The following PKP3 variants were observed in gnomAD, a reference collection of about 807,000 sequenced individuals.
PKP3 encodes the protein plakophilin-3.
A neutral mutation model predicts 76.5 loss-of-function variants in PKP3; 66 were observed. The observed-to-expected ratio is 0.86, with a 90% CI of 0.71 to 1.06. The LOEUF is 1.06. PKP3 is among the 50% of genes least tolerant of loss of function. The pLI is 0.00. For synonymous variants in PKP3, 638 were observed against 516.5 expected, an observed-to-expected ratio of 1.24 and a Z score of -3.19; for missense variants, 1,338 against 1,141.0, an observed-to-expected ratio of 1.17 and a Z score of -2.49.
rs1234636015 is a variant in PKP3, at chr11:400,576, C to T, written c.1608C>T (p.Tyr536=). The T allele has an allele frequency of 4.7e-6, 7 of 1,484,584 alleles. No homozygotes were observed. Among genetic ancestry groups the T allele is most frequent in the Middle Eastern group, 2.3e-4 (1 of 4,380 alleles). 92.0% of individuals were successfully genotyped at this position (1,484,584 alleles called of 1,614,324 possible). A position where few individuals can be genotyped will look rare whatever the true frequency, so the allele number is the denominator to read the frequency against. Residue 536 remains tyrosine (Y), a synonymous_variant, in exon 8 of 13, where the codon TAC becomes TAT. Coordinates refer to ENST00000331563, the MANE Select transcript of PKP3 (RefSeq NM_007183.4). ...NAVCVLRNLS[Y]RLYDEMPPSA... ...TGTGCGTCCTGCGGAACCTGTCCTA[C>T]CGCCTCTACGACGAGATGCCGCCGT...
At chr11:393,878 G>A (rs1316149301), upstream of PKP3, among the ~76,000 whole-genome samples, 8 of 152,090 alleles carry the variant, frequency 5.3e-5, no homozygotes, top group Admixed American at 6.5e-5. Flanking sequence ...TAGGCCCCCC[G>A]CAGGCCCCCT....
intron 1 of PKP3, among the ~76,000 whole-genome samples, 193 bp downstream of exon 1, chr11:394,717 C>G (rs113755157): frequency 2.0e-5 from 3 of 152,202 alleles, no homozygotes; most frequent in Non-Finnish European, 4.4e-5. Flanking sequence ...GCAGGGACCC[C>G]GGGGTCCTCC....
chr11:399,881 G>A, intron 5 of PKP3, 86 bp from the exon 6 acceptor site: 1 of 1,120,898 alleles, frequency 8.9e-7, no homozygotes, highest in Non-Finnish European at 1.3e-6. Context: ...AGCCCCTGGG[G>A]AGAGGCGGGA....
rs1564881173 is a variant in PKP3, at chr11:400,644, C to T, written c.1676C>T (p.Ala559Val). The change falls in exon 8 of 13, where the codon GCG becomes GTG. Residue 559 changes from alanine (A) to valine (V), a missense_variant. Ala to Val is a moderately conservative substitution (Grantham distance 64). Coordinates refer to ENST00000331563, the MANE Select transcript of PKP3 (RefSeq NM_007183.4). ...RLEGRGRRDL[A>V]GAPPGEVVGC... Reference sequence around the variant, plus strand: ...GAGGGTCGCGGCCGCAGGGACCTGGCGGGGGCGCCGCCGGGAGAGGTCGTG... The same window carrying T: ...GAGGGTCGCGGCCGCAGGGACCTGGTGGGGGCGCCGCCGGGAGAGGTCGTG... 9.5e-6 allele frequency: 13 copies of T among 1,371,698 alleles called. No homozygotes were observed. The highest frequency in any genetic ancestry group is 3.9e-5 in the Admixed American group (1 of 25,596). 85.0% of individuals were successfully genotyped at this position (1,371,698 alleles called of 1,614,324 possible).
At position 397,387 on chromosome 11, in the gene PKP3, G is replaced by T. The variant is rs753165343; in HGVS notation, c.886G>T (p.Asp296Tyr). ...LSLADSGHLP[D>Y]VHGFNSYGSH... ...CCTGGCTGACTCGGGCCACCTGCCG[G>T]ACGTGCATGGGTTCAACAGCTACGG... The change falls in exon 3 of 13, where the codon GAC becomes TAC. Residue 296 changes from aspartate to tyrosine, a missense_variant. Coordinates refer to ENST00000331563, the MANE Select transcript of PKP3 (RefSeq NM_007183.4). 2.6e-5 allele frequency: 42 copies of T among 1,610,656 alleles called. No homozygotes were observed. The highest frequency in any genetic ancestry group is 3.4e-5 in the Non-Finnish European group (40 of 1,179,164).
upstream of PKP3, chr11:394,127 TC>T: frequency 8.9e-7 from 1 of 1,121,048 alleles, no homozygotes; most frequent in Non-Finnish European, 1.2e-6. Context: ...TGGCCAGGTG[TC>T]CCCGCCCCCA....
upstream of PKP3, chr11:392,660 G>A: frequency 7.8e-7 from 1 of 1,286,994 alleles, no homozygotes; most frequent in South Asian, 1.2e-5. Flanking sequence ...CGTCAGCAGT[G>A]GCCTCTGGGA....
At chr11:399,915 C>A in intron 5 of PKP3, 52 bp from the exon 6 acceptor site, 1 of 1,456,852 alleles carries the variant, frequency 6.9e-7, no homozygotes, top group East Asian at 2.4e-5. Context: ...TCCCCAGAAA[C>A]GCGGAGGGGG....
At position 398,957 on chromosome 11, in the gene PKP3, T is replaced by G. The variant is rs112333127; in HGVS notation, c.1069-35T>G. On this transcript the variant is annotated intron_variant, in intron 4 of 12. Transcript: ENST00000331563. Reference sequence around the variant, plus strand: ...GGTGCATAGTCTGCATCCATCCACATGCGTCTGTGCACCCCCATATGCCTG... The same window carrying G: ...GGTGCATAGTCTGCATCCATCCACAGGCGTCTGTGCACCCCCATATGCCTG... The G allele has an allele frequency of 5.5e-6, 8 of 1,463,064 alleles. No individual in the cohort carries two copies. In the African/African-American group the frequency reaches 1.1e-4, roughly 21 times the overall value. The allele number at this position is 1,463,064 out of a possible 1,614,324, so 90.6% of individuals were successfully genotyped here.
In PKP3 at chr11:404,689, G is replaced by A. The variant is rs1364777961; in HGVS notation, c.*120G>A. The A allele has an allele frequency of 1.1e-6, 1 of 931,578 alleles. No individual in the cohort carries two copies. The allele number at this position is 931,578 out of a possible 1,614,324, so 57.7% of individuals were successfully genotyped here. A position where few individuals can be genotyped will look rare whatever the true frequency, so the allele number is the denominator to read the frequency against. ...TAATGACGGAGGGGCCCCTCGCTGG[G>A]GCCCCTGTGTGCATCTTTGAGGGTC... On this transcript the variant is annotated 3_prime_UTR_variant, in exon 13 of 13. Transcript: ENST00000331563. This position sits in a 1 kb window ranked among gnomAD's most constrained non-coding sequence, Gnocchi z 4.2.
upstream of PKP3, among the ~76,000 whole-genome samples, chr11:393,865 A>C (rs1015138217): frequency 2.0e-5 from 3 of 152,102 alleles, no homozygotes; most frequent in African/African-American, 7.2e-5. Flanking sequence ...GGGTGGCAGG[A>C]CATAGGCCCC....
At position 403,257 on chromosome 11, in the gene PKP3, C is replaced by T. The variant is rs770850437; in HGVS notation, c.1917C>T (p.Asp639=). The part of the protein sequence containing the change: ...AGALQNITAG[D]RRWAGVLSRL... ...CGCTGCAGAACATCACGGCAGGCGA[C>T]CGCAGGGTGGGGCACCCAACCCAGA... Residue 639 remains aspartate (D), a synonymous_variant, in exon 9 of 13, where the codon GAC becomes GAT. Coordinates refer to ENST00000331563, the MANE Select transcript of PKP3 (RefSeq NM_007183.4). 16 of 1,575,628 alleles carry T rather than the reference C, an allele frequency of 1.0e-5. No homozygotes were observed. The highest frequency in any genetic ancestry group is 1.8e-4 in the Middle Eastern group (1 of 5,632).
rs564836487 is a variant in PKP3, at chr11:395,434, C to T, written c.232+910C>T. ...CCGGCGGCCTGGACTGTGGGGTCCTCCCTCCAGGGGCCTCAGCCTTGCTGG... is the reference window on the plus strand; with the variant it reads ...CCGGCGGCCTGGACTGTGGGGTCCTTCCTCCAGGGGCCTCAGCCTTGCTGG... On this transcript the variant is annotated intron_variant, in intron 1 of 12. Coordinates refer to ENST00000331563, the MANE Select transcript of PKP3 (RefSeq NM_007183.4). Among the ~76,000 whole-genome samples the T allele has an allele frequency of 4.2e-4, 64 of 152,326 alleles. 1 individual carries two copies. In the South Asian group the frequency reaches 0.012, roughly 30 times the overall value.
At chr11:393,065 G>C (rs1003523688), upstream of PKP3, among the ~76,000 whole-genome samples, 1 of 151,910 alleles carries the variant, frequency 6.6e-6, no homozygotes. Flanking sequence ...GGTTGTCATA[G>C]ATGTTCAGCT....
chr11:399,241 C>A (rs972909086), intron 5 of PKP3, 45 bp downstream of exon 5: 19 of 1,349,836 alleles, frequency 1.4e-5, no homozygotes, highest in Non-Finnish European at 1.9e-5. Context: ...CCACCTGCGC[C>A]CCTCTGCCTA....
chr11:403,288 G>A (rs1847188836), intron 9 of PKP3, 25 bp downstream of exon 9: 3 of 1,519,040 alleles, frequency 2.0e-6, no homozygotes, highest in East Asian at 2.4e-5. Flanking sequence ...CCAGACCCGA[G>A]GGGGTCCCAG....
rs531842801 is a variant in PKP3 at position 399,094 on chromosome 11, G to A, written c.1171G>A (p.Asp391Asn). The change falls in exon 5 of 13, where the codon GAC becomes AAC. Residue 391 changes from aspartate to asparagine, a missense_variant. Transcript: ENST00000331563. Reference protein sequence around the residue: ...ATGAMRNLIYDNADNKLALVE... With the variant: ...ATGAMRNLIYNNADNKLALVE... ...AGGTGCCATGCGCAACCTCATCTAC[G>A]ACAACGCTGACAACAAGCTGGCCCT... 12 of 1,611,816 alleles carry A rather than the reference G, an allele frequency of 7.4e-6. No individual in the cohort carries two copies. The highest frequency in any genetic ancestry group is 4.0e-5 in the African/African-American group (3 of 74,834).
chr11:394,971 G>T (rs1395040953), intron 1 of PKP3, among the ~76,000 whole-genome samples: 2 of 152,218 alleles, frequency 1.3e-5, no homozygotes, highest in Non-Finnish European at 2.9e-5. Context: ...AGGTGTGGGG[G>T]TGCTGGAAGT....
At position 396,653 on chromosome 11, in the gene PKP3, C is replaced by A. The variant is rs774638400; in HGVS notation, c.278C>A (p.Ser93Tyr). The A allele has an allele frequency of 6.2e-7, 1 of 1,611,344 alleles. No individual in the cohort carries two copies. The highest frequency in any genetic ancestry group is 1.7e-5 in the Admixed American group (1 of 59,904). ...QYHTLQAGFS[S>Y]RSQGLSGDKT... ...CACACCCTGCAGGCTGGCTTCAGCT[C>A]TCGCTCTCAGGGCCTGAGTGGGGAC... Residue 93 changes from serine (S) to tyrosine (Y), a missense_variant, in exon 2 of 13, where the codon TCT becomes TAT. Ser to Tyr is a moderately radical substitution (Grantham distance 144). Coordinates refer to ENST00000331563, the MANE Select transcript of PKP3 (RefSeq NM_007183.4).
Sources: allele counts gnomAD v4.1 joint callset (sites outside exome capture counted in the v4.1 genomes callset), GRCh38; gene constraint gnomAD v4.1.1; non-coding constraint Gnocchi (gnomAD v3.1); transcripts MANE v1.5; gene names NCBI Gene and HGNC (gene_info 2026-07-23, HGNC 2026-07-21).